Variants in RIN3 observed in about 807,000 individuals in gnomAD.
RIN3 encodes Ras and Rab interactor 3.
Under a neutral mutation model 76.3 loss-of-function variants are expected in RIN3, and 54 were observed. The observed-to-expected ratio is 0.71, with a 90% CI of 0.57 to 0.89. RIN3 has a LOEUF of 0.89. Ranked by LOEUF, RIN3 falls within the 40% of genes least tolerant of loss-of-function variation. The pLI is 0.00. For missense variants in RIN3, 1,256 were observed against 1,322.1 expected, an observed-to-expected ratio of 0.95 and a Z score of 0.78; for synonymous variants, 576 against 564.0, an observed-to-expected ratio of 1.02 and a Z score of -0.30.
intron 1 of RIN3, among the ~76,000 whole-genome samples, chr14:92,551,217 T>C (rs939694019): frequency 2.0e-5 from 3 of 152,210 alleles, no homozygotes; most frequent in African/African-American, 7.2e-5. Context: ...ATATGTACTT[T>C]TTTGCATTTG....
At chr14:92,561,667 G>C (rs76543924) in intron 2 of RIN3, among the ~76,000 whole-genome samples, 2,482 of 152,076 alleles carry the variant, frequency 0.016, 60 homozygotes, top group African/African-American at 0.057. Context: ...ACTAAAGCCC[G>C]TACTTTATTC....
At chr14:92,677,293 C>T (rs949801017) in intron 8 of RIN3, among the ~76,000 whole-genome samples, 2 of 152,214 alleles carry the variant, frequency 1.3e-5, no homozygotes, top group Non-Finnish European at 2.9e-5. Flanking sequence ...GCCTCAGCCA[C>T]CCATCCACCA....
intron 2 of RIN3, among the ~76,000 whole-genome samples, chr14:92,569,217 G>A (rs1897995288): frequency 6.6e-6 from 1 of 152,174 alleles, no homozygotes. Flanking sequence ...AACACACATG[G>A]TGGACAGACT....
chr14:92,646,950 G>C (rs1352770136), intron 5 of RIN3, among the ~76,000 whole-genome samples: 2 of 152,220 alleles, frequency 1.3e-5, no homozygotes, highest in African/African-American at 4.8e-5. Flanking sequence ...CTAGAGCCCA[G>C]AGCCAAGGAA....
At chr14:92,633,257 C>T (rs1168776107) in intron 4 of RIN3, among the ~76,000 whole-genome samples, 2 of 152,172 alleles carry the variant, frequency 1.3e-5, no homozygotes, top group Non-Finnish European at 2.9e-5. Flanking sequence ...GTGCTGTGCT[C>T]AGCACCTTGC....
At chr14:92,622,547 CAG>C (rs1472428037) in intron 4 of RIN3, among the ~76,000 whole-genome samples, 1 of 152,224 alleles carries the variant, frequency 6.6e-6, no homozygotes, top group African/African-American at 2.4e-5. Flanking sequence ...GCATGCAAGG[CAG>C]AGGCAAGGGG....
intron 3 of RIN3, among the ~76,000 whole-genome samples, chr14:92,585,201 T>C (rs1164028683): frequency 1.3e-5 from 2 of 151,972 alleles, no homozygotes; most frequent in African/African-American, 4.8e-5. Flanking sequence ...TTTGTAGAGA[T>C]GGGGTCTCTG....
rs138342756 is a variant in RIN3, at chr14:92,647,419, T to C, written c.533-4163T>C. ...ACAAGCGTCCAAGGAATTTAGAGAA[T>C]AGGGATTACTCGCAGTGGTTTTCAA... On this transcript the variant is annotated intron_variant, in intron 5 of 9. Transcript: ENST00000216487. Among the ~76,000 whole-genome samples the C allele has an allele frequency of 7.2e-5, 11 of 152,338 alleles. No homozygotes were observed. The East Asian group carries it at 1.3e-3, about 19-fold the overall frequency.
intron 8 of RIN3, 108 bp from the exon 9 acceptor site, chr14:92,684,879 C>A: frequency 8.5e-7 from 1 of 1,182,642 alleles, no homozygotes; most frequent in South Asian, 1.4e-5. Context: ...GTGCCTCAAG[C>A]AGAGGTGGTG....
chr14:92,656,877 C>A lies in RIN3; in HGVS notation c.2027-2284C>A, dbSNP rs1887689747. Among the ~76,000 whole-genome samples the A allele has an allele frequency of 6.6e-6, 1 of 152,194 alleles. No individual in the cohort carries two copies. Among genetic ancestry groups the A allele is most frequent in the African/African-American group, 2.4e-5 (1 of 41,438 alleles). On this transcript the variant is annotated intron_variant, in intron 6 of 9. Coordinates refer to ENST00000216487, the MANE Select transcript of RIN3 (RefSeq NM_024832.5). This position sits in a 1 kb window ranked among gnomAD's most constrained non-coding sequence, Gnocchi z 5.2. Reference sequence around the variant, plus strand: ...CCAGATGGGCTTGGCTATTGTCATGCCCAAGAAGCCACAGCTCAGAGAGGT... The same window carrying A: ...CCAGATGGGCTTGGCTATTGTCATGACCAAGAAGCCACAGCTCAGAGAGGT...
chr14:92,673,988 G>C (rs1472520297), intron 7 of RIN3, among the ~76,000 whole-genome samples: 12 of 152,200 alleles, frequency 7.9e-5, no homozygotes, highest in Admixed American at 7.9e-4. Context: ...CTTGAGTGTA[G>C]TGCGTTTGTT....
intron 1 of RIN3, among the ~76,000 whole-genome samples, chr14:92,521,522 CAT>C (rs1254221994): frequency 1.3e-5 from 2 of 152,128 alleles, no homozygotes; most frequent in Admixed American, 6.5e-5. Context: ...TCTCAGTTCA[CAT>C]GAGATCTGGT....
chr14:92,534,041 A>C (rs1044199340), intron 1 of RIN3, among the ~76,000 whole-genome samples: 1 of 152,152 alleles, frequency 6.6e-6, no homozygotes, highest in South Asian at 2.1e-4. Context: ...ACCAGCCAAA[A>C]ATACTGTTTG....
At chr14:92,647,535 G>C (rs1475685133) in intron 5 of RIN3, among the ~76,000 whole-genome samples, 1 of 152,136 alleles carries the variant, frequency 6.6e-6, no homozygotes. Flanking sequence ...CTTGTAACTT[G>C]CTTTTTCCTT....
rs768121697 is a variant in RIN3 at position 92,652,458 on chromosome 14, T to C, written c.1409T>C (p.Leu470Pro). The change falls in exon 6 of 10, where the codon CTG (leucine) becomes CCG (proline). Residue 470 changes from leucine to proline, a missense_variant. Leu to Pro is a moderately conservative substitution (Grantham distance 98). Around this residue, in one of 3 missense-constraint regions of RIN3, gnomAD observed 428 missense variants for 521.2 expected, o/e 0.82. Transcript: ENST00000216487. The surrounding 1 kb of genome is among the most constrained non-coding windows in gnomAD (Gnocchi z 6.4). Reference protein sequence around the residue: ...PPRKKRISRQLASTLPAPLEN... With the variant: ...PPRKKRISRQPASTLPAPLEN... The stretch of plus-strand genomic sequence containing the variant: ...AGGAAAAAACGGATCTCTCGACAAC[T>C]GGCCTCGACCCTCCCAGCTCCCTTA... 6.0e-5 allele frequency: 97 copies of C among 1,613,082 alleles called. 1 individual carries two copies. The South Asian group carries it at 1.0e-3, about 17-fold the overall frequency.
intron 2 of RIN3, among the ~76,000 whole-genome samples, chr14:92,560,702 C>T (rs1479512276): frequency 6.6e-6 from 1 of 151,818 alleles, no homozygotes; most frequent in South Asian, 2.1e-4. Context: ...GGCATCCAGG[C>T]GATGATGTCA....
chr14:92,545,642 G>A (rs1287882600), intron 1 of RIN3, among the ~76,000 whole-genome samples: 2 of 141,282 alleles, frequency 1.4e-5, no homozygotes, highest in African/African-American at 2.7e-5. Flanking sequence ...GTGCAGTGGT[G>A]CGATCAGTGC....
chr14:92,652,164 C>G lies in RIN3; in HGVS notation c.1115C>G (p.Pro372Arg), dbSNP rs576255236. The change falls in exon 6 of 10, where the codon CCC (proline) becomes CGC (arginine). Residue 372 changes from proline to arginine, a missense_variant. Pro to Arg is a moderately radical substitution (Grantham distance 103, BLOSUM62 -2). Around this residue, in one of 3 missense-constraint regions of RIN3, gnomAD observed 610 missense variants for 626.4 expected, o/e 0.97. Coordinates refer to ENST00000216487, the MANE Select transcript of RIN3 (RefSeq NM_024832.5). The surrounding 1 kb of genome is among the most constrained non-coding windows in gnomAD (Gnocchi z 6.4). The stretch of plus-strand genomic sequence containing the variant: ...GCCTCCAGTCCCTTGCAGCAGGTCC[C>G]CGCCCCGCCACTGCCTGCGAAGAAG... The part of the protein sequence containing the change: ...GAASSPLQQV[P>R]APPLPAKKNL... The G allele has an allele frequency of 3.1e-6, 5 of 1,597,452 alleles. No homozygotes were observed. In the African/African-American group the frequency reaches 6.7e-5, roughly 21 times the overall value.
At chr14:92,554,053 C>T (rs1897510663) in intron 1 of RIN3, among the ~76,000 whole-genome samples, 1 of 152,182 alleles carries the variant, frequency 6.6e-6, no homozygotes, top group African/African-American at 2.4e-5. Context: ...TGGGCAACAT[C>T]ACAGAGACAC....
Sources: gnomAD v4.1 joint callset for allele counts (sites outside exome capture counted in the v4.1 genomes callset) on GRCh38, gnomAD v4.1.1 for gene constraint, gnomAD v4.1.1 regional missense constraint, Gnocchi (gnomAD v3.1) non-coding constraint, MANE v1.5 for transcripts, NCBI Gene and HGNC (gene_info 2026-07-23, HGNC 2026-07-21) for gene names.